Variants in LGALS1 observed in about 807,000 individuals in gnomAD.
The protein encoded by LGALS1 is galectin-1.
Under a neutral mutation model 14.4 loss-of-function variants are expected in LGALS1, and 14 were observed. The ratio of observed to expected loss-of-function variants is 0.97; its 90% confidence interval spans 0.64 to 1.52. LGALS1 has a LOEUF of 1.52. Ranked by LOEUF, LGALS1 falls within the 40% of genes most tolerant of loss-of-function variation. The probability of loss-of-function intolerance (pLI) is 0.00; values close to 1 mark genes in which losing one functional copy is unlikely to be tolerated. For synonymous variants in LGALS1, 71 were observed against 73.4 expected, an observed-to-expected ratio of 0.97 and a Z score of 0.17; for missense variants, 170 against 181.4, an observed-to-expected ratio of 0.94 and a Z score of 0.36.
chr22:37,679,190 G>T (rs1317998345), intron 3 of LGALS1, among the ~76,000 whole-genome samples: 2 of 149,546 alleles, frequency 1.3e-5, no homozygotes, highest in African/African-American at 5.0e-5. Flanking sequence ...CTGGCACTTT[G>T]GGAGACCAAA....
chr22:37,677,578 C>T (rs947874141), intron 2 of LGALS1: 3 of 159,420 alleles, frequency 1.9e-5, no homozygotes, highest in African/African-American at 4.8e-5. Flanking sequence ...GTTAGAAAAA[C>T]AAGGGGGGAG....
At position 37,679,650 on chromosome 22, in the gene LGALS1, T is replaced by C. The variant is rs757633208; in HGVS notation, c.309T>C (p.Asp103=). 11 of 1,610,416 alleles carry C rather than the reference T, an allele frequency of 6.8e-6. No homozygotes were observed. The South Asian group carries it at 1.1e-4, about 16-fold the overall frequency. Residue 103 remains aspartate, a synonymous_variant, in exon 4 of 4, where the codon GAT becomes GAC. Transcript: ENST00000215909. Reference sequence around the variant, plus strand: ...CCAACCTGACCGTCAAGCTGCCAGATGGATACGAATTCAAGTTCCCCAACC... The same window carrying C: ...CCAACCTGACCGTCAAGCTGCCAGACGGATACGAATTCAAGTTCCCCAACC... ...DQANLTVKLP[D]GYEFKFPNRL... is the part of the protein sequence containing the mutation.
chr22:37,678,383 T>C (rs1921512034), intron 2 of LGALS1, 100 bp from the exon 3 acceptor site: 1 of 1,339,182 alleles, frequency 7.5e-7, no homozygotes, highest in Non-Finnish European at 1.1e-6. Context: ...TAGTGAGTTC[T>C]TCCAGCAAGG....
intron 3 of LGALS1, among the ~76,000 whole-genome samples, chr22:37,679,182 G>C (rs1230938124): frequency 3.5e-5 from 5 of 142,372 alleles, no homozygotes; most frequent in Non-Finnish European, 7.6e-5. Flanking sequence ...CTGTAATCCT[G>C]GCACTTTGGG....
At chr22:37,678,033 C>T (rs1921497399) in intron 2 of LGALS1, among the ~76,000 whole-genome samples, 1 of 152,154 alleles carries the variant, frequency 6.6e-6, no homozygotes, top group Non-Finnish European at 1.5e-5. Context: ...TCTGCCCGCT[C>T]GCCTCGGCCT....
intron 2 of LGALS1, among the ~76,000 whole-genome samples, chr22:37,678,161 G>A (rs1921503020): frequency 6.6e-6 from 1 of 152,118 alleles, no homozygotes; most frequent in African/African-American, 2.4e-5. Flanking sequence ...ACTTGTGCTG[G>A]GCACCGGGAA....
intron 1 of LGALS1, 173 bp from the exon 2 acceptor site, chr22:37,676,813 A>G (rs1921442640): frequency 2.8e-6 from 2 of 722,776 alleles, no homozygotes; most frequent in Admixed American, 2.0e-5. Flanking sequence ...AGGACCACAT[A>G]GACAATCGGA....
Position 37,675,653 on chromosome 22 carries a change from T to C in LGALS1, c.-50T>C. The C allele has an allele frequency of 6.5e-7, 1 of 1,544,872 alleles. No individual in the cohort carries two copies. On this transcript the variant is annotated 5_prime_UTR_variant, in exon 1 of 4. Coordinates refer to ENST00000215909, the MANE Select transcript of LGALS1 (RefSeq NM_002305.4). ...GGGGGCCCATCTCTCTCGGGTGGAGTCTTCTGACAGCTGGTGCGCCTGCCC... is the reference window on the plus strand; with the variant it reads ...GGGGGCCCATCTCTCTCGGGTGGAGCCTTCTGACAGCTGGTGCGCCTGCCC...
In LGALS1 at chr22:37,677,042, C is replaced by G. The variant is rs766966242; in HGVS notation, c.66C>G (p.Gly22=). Residue 22 remains glycine, a synonymous_variant, in exon 2 of 4, where the codon GGC becomes GGG. Transcript: ENST00000215909. The part of the protein sequence containing the change: ...LKPGECLRVR[G]EVAPDAKSFV... ...CTGGAGAGTGCCTTCGAGTGCGAGG[C>G]GAGGTGGCTCCTGACGCTAAGAGGT... The G allele has an allele frequency of 1.9e-6, 3 of 1,614,034 alleles. No homozygotes were observed. The South Asian group carries it at 3.3e-5, about 18-fold the overall frequency.
At chr22:37,679,036 CAGG>C (rs1244645799) in intron 3 of LGALS1, among the ~76,000 whole-genome samples, 1 of 150,658 alleles carries the variant, frequency 6.6e-6, no homozygotes, top group African/African-American at 2.5e-5. Flanking sequence ...GAGGCTGAGG[CAGG>C]AGAATTGGTT....
At chr22:37,678,039 G>A (rs570510197) in intron 2 of LGALS1, among the ~76,000 whole-genome samples, 7 of 152,070 alleles carry the variant, frequency 4.6e-5, no homozygotes, top group South Asian at 2.1e-4. Flanking sequence ...CGCTCGCCTC[G>A]GCCTCCCAAA....
intron 2 of LGALS1, 37 bp downstream of exon 2, chr22:37,677,102 G>T (rs1332203536): frequency 6.2e-7 from 1 of 1,604,152 alleles, no homozygotes. Context: ...CGGCAGGGAC[G>T]GGCTTGGTCC....
At chr22:37,678,687 C>A in intron 3 of LGALS1, 33 bp downstream of exon 3, 3 of 305,498 alleles carry the variant, frequency 9.8e-6, no homozygotes, top group Non-Finnish European at 1.9e-5. Flanking sequence ...GGACCAGGGA[C>A]AGGGGCTGGG....
chr22:37,677,313 T>C (rs1463544445), intron 2 of LGALS1: 2 of 500,190 alleles, frequency 4.0e-6, no homozygotes, highest in South Asian at 2.1e-5. Flanking sequence ...TCATCTGTAA[T>C]ACCTTGACTC....
Position 37,678,483 on chromosome 22 carries a change from C to A in LGALS1, c.90C>A (p.Ser30Arg). ...VRGEVAPDAK[S>R]FVLNLGKDSN... Reference sequence around the variant, plus strand: ...CTCATGCCCACCCGTTACCCCCCAGCTTCGTGCTGAACCTGGGCAAAGACA... The same window carrying A: ...CTCATGCCCACCCGTTACCCCCCAGATTCGTGCTGAACCTGGGCAAAGACA... Residue 30 changes from serine (S) to arginine (R), a missense_variant and splice_region_variant, in exon 3 of 4, where the codon AGC becomes AGA. By Grantham distance (110) the Ser-to-Arg change is moderately radical. Transcript: ENST00000215909. 1 of 1,613,522 alleles carries A rather than the reference C, an allele frequency of 6.2e-7. No homozygotes were observed. The highest frequency in any genetic ancestry group is 8.5e-7 in the Non-Finnish European group (1 of 1,180,012).
Position 37,678,595 on chromosome 22 carries a change from G to C in LGALS1, c.202G>C (p.Ala68Pro). The C allele has an allele frequency of 6.2e-7, 1 of 1,613,306 alleles. No individual in the cohort carries two copies. Among genetic ancestry groups the C allele is most frequent in the Non-Finnish European group, 8.5e-7 (1 of 1,179,954 alleles). The change falls in exon 3 of 4, where the codon GCC becomes CCC. Residue 68 changes from alanine to proline, a missense_variant. Ala to Pro is a conservative substitution (Grantham distance 27, BLOSUM62 -1). Transcript: ENST00000215909. ...CGTGTGCAACAGCAAGGACGGCGGGGCCTGGGGGACCGAGCAGCGGGAGGC... is the reference window on the plus strand; with the variant it reads ...CGTGTGCAACAGCAAGGACGGCGGGCCCTGGGGGACCGAGCAGCGGGAGGC... ...TIVCNSKDGG[A>P]WGTEQREAVF...
rs1006029184 is a variant in LGALS1 at position 37,679,794 on chromosome 22, C to G, written c.*45C>G. 1.3e-6 allele frequency: 2 copies of G among 1,536,684 alleles called. No homozygotes were observed. Among genetic ancestry groups the G allele is most frequent in the African/African-American group, 2.8e-5 (2 of 72,324 alleles). Reference sequence around the variant, plus strand: ...CCCAATAAAGGCAGCTGCCTCTGCTCCCTCTGAACCAGCCTCGTGTGTGTG... The same window carrying G: ...CCCAATAAAGGCAGCTGCCTCTGCTGCCTCTGAACCAGCCTCGTGTGTGTG... On this transcript the variant is annotated 3_prime_UTR_variant, in exon 4 of 4. Coordinates refer to ENST00000215909, the MANE Select transcript of LGALS1 (RefSeq NM_002305.4).
At position 37,678,630 on chromosome 22, in the gene LGALS1, C is replaced by G; in HGVS notation, c.237C>G (p.Pro79=). The change falls in exon 3 of 4, where the codon CCC becomes CCG. Residue 79 remains proline, a synonymous_variant. Coordinates refer to ENST00000215909, the MANE Select transcript of LGALS1 (RefSeq NM_002305.4). The part of the protein sequence containing the change: ...WGTEQREAVF[P]FQPGSVAEVC... ...CCGAGCAGCGGGAGGCTGTCTTTCC[C>G]TTCCAGCCTGGAAGTGTTGCAGAGG... 6.5e-7 allele frequency: 1 copy of G among 1,542,036 alleles called. No homozygotes were observed. Among genetic ancestry groups the G allele is most frequent in the African/African-American group, 1.4e-5 (1 of 71,964 alleles).
intron 3 of LGALS1, among the ~76,000 whole-genome samples, 157 bp from the exon 4 acceptor site, chr22:37,679,446 C>T (rs149970912): frequency 1.3e-5 from 2 of 151,476 alleles, no homozygotes; most frequent in African/African-American, 2.4e-5. Context: ...AAAAAAAAAT[C>T]TATCATAGGA....
Sources: allele counts gnomAD v4.1 joint callset (sites outside exome capture counted in the v4.1 genomes callset), GRCh38; gene constraint gnomAD v4.1.1; transcripts MANE v1.5; gene names NCBI Gene and HGNC (gene_info 2026-07-23, HGNC 2026-07-21).